SLC25A26: variants seen among roughly 807,000 people sequenced by gnomAD.
SLC25A26 encodes mitochondrial S-adenosylmethionine carrier protein.
Under a neutral mutation model 37.8 loss-of-function variants are expected in SLC25A26, and 36 were observed. The observed-to-expected ratio is 0.95, with a 90% CI of 0.73 to 1.26. SLC25A26 has a LOEUF of 1.26. Among genes scored for constraint, SLC25A26 ranks in the 50% most tolerant of loss-of-function variants. SLC25A26 has a pLI of 0.00. For missense variants in SLC25A26, 390 were observed against 331.1 expected, an observed-to-expected ratio of 1.18 and a Z score of -1.38; for synonymous variants, 129 against 122.5, an observed-to-expected ratio of 1.05 and a Z score of -0.35.
At chr3:66,349,220 C>G (rs984984025) in intron 6 of SLC25A26, among the ~76,000 whole-genome samples, 1 of 152,140 alleles carries the variant, frequency 6.6e-6, no homozygotes. Flanking sequence ...TAAGATGCTG[C>G]CATTTTTTTT....
rs1011973825 is a variant in SLC25A26 at position 66,182,723 on chromosome 3, G to T, written c.-353-38019G>T. ...TCAACCTGCAGTGGGCGGCGGGGGG[G>T]GGGGGTGGGGTATCAGTAGAAAAGA... is the stretch of plus-strand genomic sequence containing the variant. On this transcript the variant is annotated intron_variant, in intron 1 of 10. Transcript: ENST00000676754. Among the ~76,000 whole-genome samples the T allele has an allele frequency of 4.6e-4, 65 of 140,884 alleles. 3 individuals carry two copies. The South Asian group carries it at 4.9e-3, about 11-fold the overall frequency. 92.4% of individuals were successfully genotyped at this position (140,884 alleles called of 152,430 possible).
At chr3:66,362,629 G>A (rs1034637899) in intron 6 of SLC25A26, among the ~76,000 whole-genome samples, 2 of 152,186 alleles carry the variant, frequency 1.3e-5, no homozygotes, top group African/African-American at 2.4e-5. Flanking sequence ...ACACACATAT[G>A]TATTCTCTGA....
rs547099130 is a variant in SLC25A26, at chr3:66,222,407, C to T, written c.33+1280C>T. On this transcript the variant is annotated intron_variant, in intron 1 of 9. Coordinates refer to ENST00000354883, the MANE Select transcript of SLC25A26 (RefSeq NM_001379210.1). ...GTGTTAGCCAGGATGGTCTCGATCT[C>T]CTGACCTCGTGATCCCGCCCGCCTC... 1.5e-3 allele frequency among the ~76,000 whole-genome samples: 230 copies of T among 152,262 alleles called. 3 individuals carry two copies. Among genetic ancestry groups the T allele is most frequent in the Admixed American group, 0.014 (213 of 15,292 alleles).
intron 2 of SLC25A26, among the ~76,000 whole-genome samples, chr3:66,238,980 C>T (rs2072436563): frequency 6.6e-6 from 1 of 152,060 alleles, no homozygotes. Flanking sequence ...CTTTATGGTA[C>T]CAATCCTTTC....
At chr3:66,337,289 A>G (rs1211021083) in intron 5 of SLC25A26, among the ~76,000 whole-genome samples, 2 of 152,132 alleles carry the variant, frequency 1.3e-5, no homozygotes, top group African/African-American at 4.8e-5. Context: ...GAAAATGTTA[A>G]CGCTTGGTCT....
At chr3:66,301,417 A>G (rs2075072354) in intron 5 of SLC25A26, among the ~76,000 whole-genome samples, 1 of 152,114 alleles carries the variant, frequency 6.6e-6, no homozygotes, top group Non-Finnish European at 1.5e-5. Context: ...CACAGTTCCC[A>G]CTCTGGTTGG....
At chr3:66,240,600 C>G (rs1190174498) in intron 2 of SLC25A26, among the ~76,000 whole-genome samples, 1 of 151,830 alleles carries the variant, frequency 6.6e-6, no homozygotes, top group Admixed American at 6.6e-5. Context: ...GTTTACATTT[C>G]TCTTAACTAT....
intron 4 of SLC25A26, among the ~76,000 whole-genome samples, chr3:66,262,530 A>G (rs544383072): frequency 5.3e-5 from 8 of 152,350 alleles, no homozygotes; most frequent in South Asian, 4.1e-4. Flanking sequence ...GACCAATGTC[A>G]TAACGTTTAT....
chr3:66,270,282 T>G (rs2073912411), intron 5 of SLC25A26, among the ~76,000 whole-genome samples: 3 of 152,228 alleles, frequency 2.0e-5, no homozygotes, highest in South Asian at 4.1e-4. Context: ...TTTCTTCATC[T>G]TAGCACTTCT....
intron 6 of SLC25A26, among the ~76,000 whole-genome samples, chr3:66,352,103 T>C (rs1416412088): frequency 6.6e-6 from 1 of 151,858 alleles, no homozygotes; most frequent in Non-Finnish European, 1.5e-5. Flanking sequence ...AAAAAAATTA[T>C]CTGGGATTGG....
intron 1 of SLC25A26, among the ~76,000 whole-genome samples, chr3:66,227,191 A>G (rs782496473): frequency 6.6e-6 from 1 of 152,198 alleles, no homozygotes; most frequent in Non-Finnish European, 1.5e-5. Flanking sequence ...CATCACAACT[A>G]CTTTCCTTAT....
chr3:66,223,597 C>G lies in SLC25A26; in HGVS notation c.33+2470C>G, dbSNP rs1196888230. 2.6e-5 allele frequency among the ~76,000 whole-genome samples: 4 copies of G among 152,132 alleles called. No homozygotes were observed. In the South Asian group the frequency reaches 8.3e-4, roughly 32 times the overall value. On this transcript the variant is annotated intron_variant, in intron 1 of 9. Transcript: ENST00000354883. ...TTGCTTACTACTCTTTTACCAGTAC[C>G]TGGCACTAGGTAAGCACTCAGTACT...
At chr3:66,178,437 T>G (rs1465637590) in intron 1 of SLC25A26, among the ~76,000 whole-genome samples, 1 of 152,162 alleles carries the variant, frequency 6.6e-6, no homozygotes. Context: ...GGGCAGCGTT[T>G]GGTGCACTTT....
chr3:66,243,343 T>C, intron 3 of SLC25A26, 31 bp downstream of exon 3: 1 of 1,054,998 alleles, frequency 9.5e-7, no homozygotes, highest in African/African-American at 1.5e-5. Flanking sequence ...ATAAAATACT[T>C]CAGAAATGCA....
intron 1 of SLC25A26, among the ~76,000 whole-genome samples, chr3:66,206,894 CTTTTTT>C (rs1192766670): frequency 1.6e-5 from 2 of 124,578 alleles, no homozygotes; most frequent in Non-Finnish European, 3.4e-5. Context: ...TTCTTTCTTT[CTTTTTT>C]TTTTTTTTTT....
intron 1 of SLC25A26, among the ~76,000 whole-genome samples, chr3:66,182,580 A>G (rs1449759762): frequency 2.6e-5 from 4 of 152,128 alleles, no homozygotes; most frequent in Admixed American, 1.3e-4. Flanking sequence ...AAAGGTTCCC[A>G]TAGAGTTTGA....
intron 1 of SLC25A26, among the ~76,000 whole-genome samples, chr3:66,179,679 G>A (rs892040008): frequency 2.0e-5 from 3 of 151,086 alleles, no homozygotes; most frequent in South Asian, 4.2e-4. Context: ...TAACATATAC[G>A]CTTTAGTTTA....
intron 5 of SLC25A26, among the ~76,000 whole-genome samples, chr3:66,293,505 GTTT>G (rs761582429): frequency 2.1e-5 from 3 of 142,000 alleles, no homozygotes; most frequent in South Asian, 2.2e-4. Flanking sequence ...GTGCCCATTA[GTTT>G]TTTTTTTTTT....
rs781968867 is a variant in SLC25A26 at position 66,221,006 on chromosome 3, C to A, written c.-89C>A. On this transcript the variant is annotated 5_prime_UTR_variant, in exon 1 of 10. Coordinates refer to ENST00000354883, the MANE Select transcript of SLC25A26 (RefSeq NM_001379210.1). ...TGGTCCCGGAAGTTCAAGACAGACCCGCCTCAAACATGGCGGCGCCCAGCG... is the reference window on the plus strand; with the variant it reads ...TGGTCCCGGAAGTTCAAGACAGACCAGCCTCAAACATGGCGGCGCCCAGCG... The A allele has an allele frequency of 9.4e-6, 13 of 1,389,918 alleles. No individual in the cohort carries two copies. The highest frequency in any genetic ancestry group is 4.0e-5 in the Admixed American group (2 of 50,548). 86.1% of individuals were successfully genotyped at this position (1,389,918 alleles called of 1,614,324 possible).
Sources: gnomAD v4.1 joint callset for allele counts (sites outside exome capture counted in the v4.1 genomes callset) on GRCh38, gnomAD v4.1.1 for gene constraint, MANE v1.5 for transcripts, NCBI Gene and HGNC (gene_info 2026-07-23, HGNC 2026-07-21) for gene names.